The following NPIPB7 variants were observed in gnomAD, a reference collection of about 807,000 sequenced individuals.
The protein encoded by NPIPB7 is nuclear pore complex interacting protein family member B7.
For synonymous variants in NPIPB7, 9 were observed against 88.1 expected, an observed-to-expected ratio of 0.10 and a Z score of 5.03; for missense variants, 14 against 238.5, an observed-to-expected ratio of 0.06 and a Z score of 6.20.
intron 4 of NPIPB7, among the ~76,000 whole-genome samples, chr16:28,461,292 G>A (rs530286076): frequency 7.6e-6 from 1 of 131,638 alleles, no homozygotes; most frequent in Non-Finnish European, 1.7e-5. Flanking sequence ...TAGGGACTGA[G>A]CCTGCACCGA....
upstream of NPIPB7, chr16:28,470,631 G>A (rs1378636042): frequency 2.5e-5 from 3 of 121,516 alleles, no homozygotes; most frequent in Admixed American, 8.5e-5. Context: ...GGGGAGGGGA[G>A]GGGGAGGGGA....
At chr16:28,463,727 CAAAAAAA>C (rs1199745082) in intron 2 of NPIPB7, among the ~76,000 whole-genome samples, 122 of 15,098 alleles carry the variant, frequency 8.1e-3, no homozygotes, top group South Asian at 0.012. Context: ...AACTCTGTCT[CAAAAAAA>C]AAAAAAAAAA....
intron 2 of NPIPB7, among the ~76,000 whole-genome samples, chr16:28,463,749 AAAAT>A (rs2045887132): frequency 7.7e-6 from 1 of 130,194 alleles, no homozygotes; most frequent in Non-Finnish European, 1.7e-5. Flanking sequence ...AAAAAAAAAA[AAAAT>A]AGCCCAGGTG....
intron 1 of NPIPB7, among the ~76,000 whole-genome samples, chr16:28,470,155 G>T (rs1369971304): frequency 7.3e-6 from 1 of 136,356 alleles, no homozygotes; most frequent in Non-Finnish European, 1.5e-5. Flanking sequence ...GGGATAACAG[G>T]TACGCACCAC....
At chr16:28,462,025 C>G (rs1249635741) in intron 4 of NPIPB7, among the ~76,000 whole-genome samples, 1 of 144,500 alleles carries the variant, frequency 6.9e-6, no homozygotes, top group Non-Finnish European at 1.5e-5. Flanking sequence ...GAAGCTGAGG[C>G]AGAATTGCTT....
chr16:28,470,830 C>G (rs3869447), upstream of NPIPB7, among the ~76,000 whole-genome samples: 1 of 136,848 alleles, frequency 7.3e-6, no homozygotes, highest in Non-Finnish European at 1.6e-5. Flanking sequence ...ACAGGACACG[C>G]GGGGCAAGGG....
chr16:28,461,253 G>A (rs879208314), intron 4 of NPIPB7, among the ~76,000 whole-genome samples: 3 of 128,978 alleles, frequency 2.3e-5, no homozygotes, highest in Non-Finnish European at 3.5e-5. Context: ...CATCAGAATA[G>A]AGGTAGACAG....
upstream of NPIPB7, among the ~76,000 whole-genome samples, chr16:28,472,116 G>T (rs1038726499): frequency 9.2e-5 from 14 of 152,200 alleles, no homozygotes; most frequent in Non-Finnish European, 2.9e-5. Context: ...TTGTATTGGT[G>T]TAAGAATAAA....
upstream of NPIPB7, among the ~76,000 whole-genome samples, chr16:28,471,858 T>C (rs1187847206): frequency 1.3e-5 from 2 of 151,990 alleles, no homozygotes; most frequent in Non-Finnish European, 2.9e-5. Context: ...ACCTTCATGA[T>C]TGACCTCTCA....
At chr16:28,463,389 TCACACACACACA>T (rs57853696) in intron 2 of NPIPB7, among the ~76,000 whole-genome samples, 96 of 45,836 alleles carry the variant, frequency 2.1e-3, no homozygotes, top group Admixed American at 4.1e-3. Context: ...AGACTCTGTC[TCACACACACACA>T]CACACACACA....
chr16:28,464,033 CAAA>C (rs1221794474), intron 2 of NPIPB7, among the ~76,000 whole-genome samples: 102 of 25,748 alleles, frequency 4.0e-3, no homozygotes, highest in Admixed American at 0.011. Flanking sequence ...GACTCCGTCT[CAAA>C]AAAAAAAAAA....
At chr16:28,461,947 CAAAAAAA>C (rs56100146) in intron 4 of NPIPB7, among the ~76,000 whole-genome samples, 18 of 90,452 alleles carry the variant, frequency 2.0e-4, no homozygotes, top group African/African-American at 5.9e-4. Flanking sequence ...GACTCTGTCT[CAAAAAAA>C]AAAAAAAAAA....
chr16:28,470,214 C>T (rs1210258114), intron 1 of NPIPB7, among the ~76,000 whole-genome samples, 159 bp downstream of exon 1: 1 of 129,184 alleles, frequency 7.7e-6, no homozygotes, highest in Non-Finnish European at 1.6e-5. Flanking sequence ...TGGGGTTTCG[C>T]CATGATGCCC....
At chr16:28,462,095 C>A (rs1166571913) in intron 4 of NPIPB7, among the ~76,000 whole-genome samples, 1 of 146,544 alleles carries the variant, frequency 6.8e-6, no homozygotes, top group African/African-American at 2.6e-5. Context: ...CCAGCCTGGG[C>A]GACAGAGCGA....
intron 2 of NPIPB7, among the ~76,000 whole-genome samples, chr16:28,465,545 G>T (rs1314896139): frequency 2.8e-5 from 4 of 144,510 alleles, no homozygotes; most frequent in African/African-American, 1.0e-4. Flanking sequence ...AAAATTCTCT[G>T]TTCAGGACTA....
intron 2 of NPIPB7, among the ~76,000 whole-genome samples, chr16:28,465,498 A>G (rs1383379393): frequency 2.1e-5 from 3 of 144,526 alleles, no homozygotes; most frequent in East Asian, 2.0e-4. Flanking sequence ...GTGAGAAAAG[A>G]AAAAAAAAAA....
At chr16:28,470,612 G>A (rs1285491291), upstream of NPIPB7, 1 of 66,550 alleles carries the variant, frequency 1.5e-5, no homozygotes, top group Non-Finnish European at 2.8e-5. Context: ...AAGGGGAAGG[G>A]GAGGGGAAGG....
intron 2 of NPIPB7, among the ~76,000 whole-genome samples, chr16:28,463,784 C>G (rs2045887534): frequency 7.4e-6 from 1 of 134,790 alleles, no homozygotes; most frequent in South Asian, 2.7e-4. Context: ...CGCCTGTAAT[C>G]CCAGCACTTT....
chr16:28,470,021 A>G (rs2045933266), intron 1 of NPIPB7, among the ~76,000 whole-genome samples: 1 of 146,344 alleles, frequency 6.8e-6, no homozygotes, highest in Non-Finnish European at 1.5e-5. Context: ...ATCAAATGAC[A>G]TTTCACTTTG....
Sources: gnomAD v4.1 joint callset for allele counts (sites outside exome capture counted in the v4.1 genomes callset) on GRCh38, gnomAD v4.1.1 for gene constraint, MANE v1.5 for transcripts, NCBI Gene and HGNC (gene_info 2026-07-23, HGNC 2026-07-21) for gene names.